FANCD2OS: variants seen among roughly 807,000 people sequenced by gnomAD.
The protein encoded by FANCD2OS is FANCD2 opposite strand.
FANCD2OS carries 11 observed loss-of-function variants against 13.2 expected under a neutral mutation model. The ratio of observed to expected loss-of-function variants is 0.83; its 90% CI spans 0.52 to 1.38. The LOEUF (loss-of-function observed/expected upper bound fraction) is 1.38. FANCD2OS is among the 40% of genes most tolerant of loss of function. The pLI is 0.00. For synonymous variants in FANCD2OS, 69 were observed against 84.5 expected (o/e 0.82, Z 1.01); for missense variants, 217 against 213.9 (o/e 1.01, Z -0.09).
chr3:10,090,754 G>C (rs1269032744), intron 2 of FANCD2OS, among the ~76,000 whole-genome samples: 1 of 152,172 alleles, frequency 6.6e-6, no homozygotes, highest in African/African-American at 2.4e-5. Context: ...CACTGCGCCC[G>C]GTGGTAGTTG....
At chr3:10,100,384 C>T (rs1014314047), downstream of FANCD2OS, among the ~76,000 whole-genome samples, 5 of 152,068 alleles carry the variant, frequency 3.3e-5, no homozygotes, top group African/African-American at 1.2e-4. Flanking sequence ...CACAGCACTT[C>T]TTTTTTTGAG....
intron 2 of FANCD2OS, chr3:10,086,050 C>T: frequency 4.2e-6 from 3 of 707,620 alleles, no homozygotes; most frequent in South Asian, 1.5e-5. Context: ...AGCTACTCTC[C>T]TCATATATGA....
downstream of FANCD2OS, among the ~76,000 whole-genome samples, chr3:10,097,996 T>A (rs765799837): frequency 6.6e-6 from 1 of 151,272 alleles, no homozygotes; most frequent in Non-Finnish European, 1.5e-5. Flanking sequence ...AGGTTTTTTT[T>A]AGTTGTCTGA....
In FANCD2OS at chr3:10,088,120, C is replaced by A. The variant is rs188909356; in HGVS notation, c.*44-6589G>T. On this transcript the variant is annotated intron_variant, in intron 2 of 2. Transcript: ENST00000524279. ...GAGGTGACCACTGCTATTGGCCAGCCCAGGAGGAACAAGATTGGCCTTCCC... is the reference window on the plus strand; with the variant it reads ...GAGGTGACCACTGCTATTGGCCAGCACAGGAGGAACAAGATTGGCCTTCCC... 7.9e-5 allele frequency among the ~76,000 whole-genome samples: 12 copies of A among 152,202 alleles called. No homozygotes were observed. The East Asian group carries it at 2.3e-3, about 29-fold the overall frequency.
intron 2 of FANCD2OS, chr3:10,090,228 T>G (rs755269517): frequency 1.9e-5 from 24 of 1,237,992 alleles, no homozygotes; most frequent in Admixed American, 1.7e-4. Flanking sequence ...GGTTCCTGGT[T>G]CTTCCCAGGT....
At chr3:10,084,201 C>T (rs1290080473) in intron 2 of FANCD2OS, among the ~76,000 whole-genome samples, 2 of 151,808 alleles carry the variant, frequency 1.3e-5, no homozygotes, top group Non-Finnish European at 2.9e-5. Flanking sequence ...ACCATCTTGG[C>T]CAGGCTGGTC....
At chr3:10,106,182 T>A (rs1695491519) in intron 1 of FANCD2OS, among the ~76,000 whole-genome samples, 2 of 152,114 alleles carry the variant, frequency 1.3e-5, no homozygotes, top group Admixed American at 1.3e-4. Flanking sequence ...AAAAAACTGT[T>A]AAAGATTTTT....
intron 2 of FANCD2OS, among the ~76,000 whole-genome samples, chr3:10,090,738 G>T (rs1365838955): frequency 6.6e-6 from 1 of 152,110 alleles, no homozygotes; most frequent in African/African-American, 2.4e-5. Context: ...GATTACAGAC[G>T]TGCGCCACTG....
chr3:10,103,400 C>T (rs1239244996), downstream of FANCD2OS, among the ~76,000 whole-genome samples: 2 of 152,080 alleles, frequency 1.3e-5, no homozygotes. Context: ...AAAACTCCAT[C>T]TCAAAAAATA....
downstream of FANCD2OS, chr3:10,101,312 AT>A (rs753410450): frequency 1.5e-6 from 2 of 1,365,618 alleles, no homozygotes; most frequent in East Asian, 2.3e-5. Context: ...GCCTGTGATC[AT>A]TTTGTGTTAG....
chr3:10,091,520 T>G (rs1246670076), intron 2 of FANCD2OS, among the ~76,000 whole-genome samples: 1 of 151,848 alleles, frequency 6.6e-6, no homozygotes, highest in Non-Finnish European at 1.5e-5. Context: ...GCTTCTCTGC[T>G]TCCCTATGCT....
chr3:10,103,124 C>T (rs763810916), downstream of FANCD2OS: 23 of 435,294 alleles, frequency 5.3e-5, no homozygotes, highest in East Asian at 2.3e-4. Context: ...AATTAATGGC[C>T]GGGCGCAGTG....
intron 2 of FANCD2OS, chr3:10,095,312 T>C (rs764667302): frequency 2.2e-5 from 34 of 1,567,836 alleles, no homozygotes; most frequent in Non-Finnish European, 2.8e-5. Context: ...AGCCTGCCTG[T>C]TGGCTTAATC....
downstream of FANCD2OS, chr3:10,098,723 G>A (rs753272541): frequency 6.2e-7 from 1 of 1,614,158 alleles, no homozygotes. Context: ...CATTTAGGGT[G>A]AAGAGATTAA....
rs60245764 is a variant in FANCD2OS at position 10,104,584 on chromosome 3, A to G, written c.191T>C (p.Leu64Pro). Reference sequence around the variant, plus strand: ...TAACTTGGGACTCACTCCAGATTCCAGGAATGGGCTGTCTAGGACTAGAGT... The same window carrying G: ...TAACTTGGGACTCACTCCAGATTCCGGGAATGGGCTGTCTAGGACTAGAGT... ...EVTLVLDSPFLESGVSPKLPC... is the reference protein window; with the variant it reads ...EVTLVLDSPFPESGVSPKLPC... The change falls in exon 2 of 2, where the codon CTG becomes CCG. Residue 64 changes from leucine to proline, a missense_variant. Coordinates refer to ENST00000450660, the MANE Select transcript of FANCD2OS (RefSeq NM_001164839.2). 9,019 of 1,614,186 alleles carry G rather than the reference A, an allele frequency of 5.6e-3. 450 individuals carry two copies. In the African/African-American group the frequency reaches 0.1, roughly 19 times the overall value.
downstream of FANCD2OS, chr3:10,101,864 T>G (rs1313865569): frequency 5.3e-6 from 1 of 188,888 alleles, no homozygotes; most frequent in East Asian, 8.5e-5. Context: ...GAGCTAGTTT[T>G]GAAACTCTGA....
At chr3:10,102,116 G>A (rs1439162511), downstream of FANCD2OS, among the ~76,000 whole-genome samples, 1 of 151,550 alleles carries the variant, frequency 6.6e-6, no homozygotes, top group Non-Finnish European at 1.5e-5. Context: ...TCTTTCTGGA[G>A]GATTGACTTG....
intron 2 of FANCD2OS, among the ~76,000 whole-genome samples, chr3:10,089,721 G>A (rs1468670059): frequency 6.6e-6 from 1 of 152,164 alleles, no homozygotes; most frequent in Non-Finnish European, 1.5e-5. Context: ...GCCTGCCTCG[G>A]CCTCTCAAAG....
intron 2 of FANCD2OS, among the ~76,000 whole-genome samples, chr3:10,087,573 A>T (rs573085418): frequency 1.3e-5 from 2 of 152,292 alleles, no homozygotes; most frequent in East Asian, 1.9e-4. Context: ...CGAGACATAA[A>T]TCATGAGGTT....
Sources: gnomAD v4.1 joint callset for allele counts (sites outside exome capture counted in the v4.1 genomes callset) on GRCh38, gnomAD v4.1.1 for gene constraint, MANE v1.5 for transcripts, NCBI Gene and HGNC (gene_info 2026-07-23, HGNC 2026-07-21) for gene names.